Variants in RBFOX1 observed in about 807,000 individuals in gnomAD.
RBFOX1 encodes RNA binding fox-1 homolog 1, also known as RNA binding protein fox-1 homolog 1.
A neutral mutation model predicts 57.7 loss-of-function variants in RBFOX1; 8 were observed. The observed-to-expected ratio is 0.14, with a 90% CI of 0.08 to 0.25. The LOEUF is 0.25. Ranked by LOEUF, RBFOX1 falls within the 10% of genes least tolerant of loss-of-function variation. The probability of loss-of-function intolerance (pLI) is 1.00; values close to 1 mark genes in which losing one functional copy is unlikely to be tolerated. For synonymous variants in RBFOX1, 326 were observed against 222.4 expected, an observed-to-expected ratio of 1.47 and a Z score of -4.15; for missense variants, 611 against 548.5, an observed-to-expected ratio of 1.11 and a Z score of -1.14.
intron 3 of RBFOX1, among the ~76,000 whole-genome samples, chr16:5,740,199 C>T (rs1474029427): frequency 6.6e-6 from 1 of 152,130 alleles, no homozygotes; most frequent in Non-Finnish European, 1.5e-5. Flanking sequence ...TCTGGGGGCT[C>T]CCTGAGGAGT....
rs528243315 is a variant in RBFOX1 at position 5,933,551 on chromosome 16, C to A, written c.351+66216C>A. On this transcript the variant is annotated intron_variant, in intron 4 of 19. Coordinates refer to the RBFOX1 transcript ENST00000641259. ...CCTGCAGGGAAAAGTGACTTAGGAA[C>A]AATCACACAGAAAAACAGAAATTGC... Among the ~76,000 whole-genome samples the A allele has an allele frequency of 3.9e-5, 6 of 152,296 alleles. No individual in the cohort carries two copies. In the South Asian group the frequency reaches 1.2e-3, roughly 32 times the overall value.
At chr16:6,306,415 G>A (rs2079525220) in intron 1 of RBFOX1, among the ~76,000 whole-genome samples, 1 of 152,182 alleles carries the variant, frequency 6.6e-6, no homozygotes, top group Non-Finnish European at 1.5e-5. Context: ...GAAAGGAATG[G>A]AACTTTCTGC....
intron 2 of RBFOX1, among the ~76,000 whole-genome samples, chr16:6,388,373 C>T (rs1252572083): frequency 1.3e-5 from 2 of 150,808 alleles, no homozygotes; most frequent in Non-Finnish European, 3.0e-5. Context: ...CTCACACTCA[C>T]AGAAAGTGTG....
chr16:6,774,060 T>G, intron 3 of RBFOX1: 1 of 922,812 alleles, frequency 1.1e-6, no homozygotes. Flanking sequence ...ATTGGCTTTC[T>G]GATTTCCCAT....
At chr16:6,151,909 G>T (rs2096800463) in intron 1 of RBFOX1, among the ~76,000 whole-genome samples, 1 of 152,056 alleles carries the variant, frequency 6.6e-6, no homozygotes, top group Non-Finnish European at 1.5e-5. Flanking sequence ...TTACTAAGAT[G>T]GTATAGAAGT....
At chr16:7,461,318 C>T (rs1264029149) in intron 4 of RBFOX1, among the ~76,000 whole-genome samples, 2 of 151,968 alleles carry the variant, frequency 1.3e-5, no homozygotes, top group Non-Finnish European at 2.9e-5. Flanking sequence ...CAGATATGTG[C>T]CACCACACCC....
At chr16:6,539,651 A>C (rs1483803311) in intron 2 of RBFOX1, among the ~76,000 whole-genome samples, 1 of 152,102 alleles carries the variant, frequency 6.6e-6, no homozygotes, top group Non-Finnish European at 1.5e-5. Context: ...TACAAAAATT[A>C]GCCATGCCTG....
At chr16:5,893,181 C>T (rs573659996) in intron 4 of RBFOX1, among the ~76,000 whole-genome samples, 4 of 152,294 alleles carry the variant, frequency 2.6e-5, no homozygotes, top group African/African-American at 9.6e-5. Context: ...GCTGATGCTC[C>T]AGAAGTATGC....
chr16:7,371,999 C>T (rs1168932564), intron 4 of RBFOX1, among the ~76,000 whole-genome samples: 1 of 151,976 alleles, frequency 6.6e-6, no homozygotes, highest in Non-Finnish European at 1.5e-5. Flanking sequence ...TACTGCTACA[C>T]ATGCATACAC....
chr16:7,183,256 G>A (rs2083081713), intron 4 of RBFOX1, among the ~76,000 whole-genome samples: 1 of 152,140 alleles, frequency 6.6e-6, no homozygotes, highest in Admixed American at 6.5e-5. Context: ...AAGCCATGGT[G>A]AATCACGAAA....
In RBFOX1 at chr16:7,632,643, G is replaced by C. The variant is rs544670978; in HGVS notation, c.757+1960G>C. On this transcript the variant is annotated intron_variant, in intron 11 of 15. Coordinates refer to ENST00000550418, the MANE Select transcript of RBFOX1 (RefSeq NM_018723.4). Reference sequence around the variant, plus strand: ...CTCGTCTATATTATTTTCTGAAAGAGAGTTGGTGTGCCAAAACTTACCATA... The same window carrying C: ...CTCGTCTATATTATTTTCTGAAAGACAGTTGGTGTGCCAAAACTTACCATA... 5.3e-5 allele frequency among the ~76,000 whole-genome samples: 8 copies of C among 152,294 alleles called. No individual in the cohort carries two copies. In the South Asian group the frequency reaches 8.3e-4, roughly 16 times the overall value.
intron 4 of RBFOX1, among the ~76,000 whole-genome samples, chr16:7,371,127 C>T (rs867561417): frequency 2.6e-4 from 40 of 152,174 alleles, no homozygotes; most frequent in African/African-American, 8.9e-4. Context: ...ATGCCAAGGC[C>T]TGCCTTTTAC....
At chr16:7,567,477 ATGTATGG>A (rs763516807) in intron 5 of RBFOX1, among the ~76,000 whole-genome samples, 41,881 of 73,534 alleles carry the variant, frequency 0.57, 11,570 homozygotes, top group Middle Eastern at 0.65. Flanking sequence ...ATATATCCCT[ATGTATGG>A]CCCTATATGT....
chr16:6,544,741 C>G (rs1376475107), intron 2 of RBFOX1, among the ~76,000 whole-genome samples: 3 of 152,152 alleles, frequency 2.0e-5, no homozygotes, highest in African/African-American at 7.2e-5. Flanking sequence ...TTGTTTGTCA[C>G]ATGGAGATGA....
intron 1 of RBFOX1, among the ~76,000 whole-genome samples, chr16:5,441,762 C>T (rs1376669651): frequency 1.3e-5 from 2 of 152,144 alleles, no homozygotes; most frequent in African/African-American, 4.8e-5. Context: ...TCCTTCTTCA[C>T]ATGGCAGCAG....
chr16:6,016,105 G>A (rs2094992033), upstream of RBFOX1, among the ~76,000 whole-genome samples: 1 of 152,232 alleles, frequency 6.6e-6, no homozygotes, highest in Non-Finnish European at 1.5e-5. Flanking sequence ...AGCTTATTAT[G>A]TGGCTGGTGC....
At chr16:7,486,481 T>TA (rs1157404159) in intron 4 of RBFOX1, among the ~76,000 whole-genome samples, 2 of 152,010 alleles carry the variant, frequency 1.3e-5, no homozygotes, top group African/African-American at 4.8e-5. Flanking sequence ...CAGTTAATCT[T>TA]ACCTTGGGCC....
chr16:5,633,810 G>A (rs921819397), intron 3 of RBFOX1, among the ~76,000 whole-genome samples: 2 of 150,868 alleles, frequency 1.3e-5, no homozygotes, highest in Admixed American at 6.6e-5. Flanking sequence ...GGAGGCGGAG[G>A]CCACTGTCCT....
At chr16:6,146,394 C>G (rs1317044672) in intron 1 of RBFOX1, among the ~76,000 whole-genome samples, 4 of 152,090 alleles carry the variant, frequency 2.6e-5, no homozygotes, top group Non-Finnish European at 5.9e-5. Flanking sequence ...TGTTTTCAAC[C>G]TCAACACTAT....
Sources: gnomAD v4.1 joint callset for allele counts (sites outside exome capture counted in the v4.1 genomes callset) on GRCh38, gnomAD v4.1.1 for gene constraint, MANE v1.5 for transcripts, NCBI Gene and HGNC (gene_info 2026-07-23, HGNC 2026-07-21) for gene names.